CACNA1E: variants seen among roughly 807,000 people sequenced by gnomAD.
CACNA1E encodes the protein voltage-dependent R-type calcium channel subunit alpha-1E.
In CACNA1E, 40 loss-of-function variants were observed where a neutral mutation model predicts 259.2. The observed-to-expected ratio is 0.15, with a 90% CI of 0.12 to 0.20. CACNA1E has a LOEUF of 0.20. Among genes scored for constraint, CACNA1E ranks in the 10% least tolerant of loss-of-function variants. The pLI is 1.00. For synonymous variants in CACNA1E, 1,104 were observed against 1,138.5 expected (o/e 0.97, Z 0.61); for missense variants, 1,874 against 3,040.1 (o/e 0.62, Z 9.02).
chr1:181,636,661 T>C (rs1657243679), intron 6 of CACNA1E, among the ~76,000 whole-genome samples: 1 of 152,140 alleles, frequency 6.6e-6, no homozygotes, highest in Non-Finnish European at 1.5e-5. Flanking sequence ...CAATGGAATA[T>C]AAGAAAGGCC....
intron 3 of CACNA1E, among the ~76,000 whole-genome samples, chr1:181,528,918 A>G (rs1667564898): frequency 6.6e-6 from 1 of 152,224 alleles, no homozygotes; most frequent in African/African-American, 2.4e-5. Flanking sequence ...AGAAAAACCC[A>G]TTTTTTGAGG....
chr1:181,568,686 C>T (rs1038637523), intron 3 of CACNA1E, among the ~76,000 whole-genome samples: 1 of 152,108 alleles, frequency 6.6e-6, no homozygotes, highest in African/African-American at 2.4e-5. Flanking sequence ...GCCTCTATCT[C>T]CTGGGGTTGT....
chr1:181,506,812 G>A (rs996018845), intron 1 of CACNA1E, among the ~76,000 whole-genome samples: 1 of 152,160 alleles, frequency 6.6e-6, no homozygotes, highest in Non-Finnish European at 1.5e-5. Flanking sequence ...GGGCTGTAAG[G>A]GAGAGTGGCT....
intron 3 of CACNA1E, among the ~76,000 whole-genome samples, chr1:181,563,077 T>C (rs1649479924): frequency 6.6e-6 from 1 of 152,224 alleles, no homozygotes; most frequent in Non-Finnish European, 1.5e-5. Flanking sequence ...TTTTGTTTTC[T>C]CTGACAAATA....
chr1:181,711,129 C>T (rs1422443574), intron 8 of CACNA1E, 60 bp downstream of exon 8: 6 of 1,136,886 alleles, frequency 5.3e-6, no homozygotes, highest in African/African-American at 1.5e-5. Context: ...AGGGCCGGCC[C>T]CTCACTCCCA....
chr1:181,728,849 C>G (rs1196329334), intron 18 of CACNA1E, among the ~76,000 whole-genome samples: 3 of 147,786 alleles, frequency 2.0e-5, no homozygotes, highest in Non-Finnish European at 4.5e-5. Context: ...TGTGTGTACA[C>G]TGCTCAGGTG....
chr1:181,503,708 A>T (rs568104082), intron 1 of CACNA1E, among the ~76,000 whole-genome samples: 1 of 152,322 alleles, frequency 6.6e-6, no homozygotes, highest in Non-Finnish European at 1.5e-5. Context: ...AACACTTTAC[A>T]GTTTTCAGAG....
intron 1 of CACNA1E, among the ~76,000 whole-genome samples, chr1:181,319,729 A>T (rs1289936052): frequency 6.6e-6 from 1 of 152,218 alleles, no homozygotes; most frequent in African/African-American, 2.4e-5. Flanking sequence ...AGATAGAGAT[A>T]AATGATTGCC....
chr1:181,474,313 G>A (rs16857376), intron 2 of CACNA1E, among the ~76,000 whole-genome samples: 14,274 of 152,238 alleles, frequency 0.094, 832 homozygotes, highest in South Asian at 0.19. Flanking sequence ...TGTGTCCAAG[G>A]AGTTGGCTTG....
Position 181,683,960 on chromosome 1 carries a change from C to T in CACNA1E, c.1056-26994C>T, listed in dbSNP as rs187604273. 2.0e-5 allele frequency among the ~76,000 whole-genome samples: 3 copies of T among 152,072 alleles called. No individual in the cohort carries two copies. The East Asian group carries it at 5.8e-4, about 29-fold the overall frequency. On this transcript the variant is annotated intron_variant, in intron 7 of 47. Transcript: ENST00000367573. The stretch of plus-strand genomic sequence containing the variant: ...TTCCTTTGGGTATATATACAGATTG[C>T]TCCTTCAGGCCAGGTTCTAGGGGAA...
chr1:181,667,689 A>G (rs997321121), intron 7 of CACNA1E, among the ~76,000 whole-genome samples: 2 of 152,194 alleles, frequency 1.3e-5, no homozygotes, highest in Non-Finnish European at 2.9e-5. Context: ...TTTCAAAAAG[A>G]CATACCAGAA....
At chr1:181,588,113 G>A (rs1325406396) in intron 6 of CACNA1E, among the ~76,000 whole-genome samples, 2 of 152,178 alleles carry the variant, frequency 1.3e-5, no homozygotes, top group Non-Finnish European at 2.9e-5. Flanking sequence ...GGGCGCCGGC[G>A]CACCGCTGGG....
rs693178 is a variant in CACNA1E at position 181,504,190 on chromosome 1, C to T, written c.267-6287C>T. Among the ~76,000 whole-genome samples the T allele has an allele frequency of 7.5e-3, 1,139 of 152,242 alleles. 13 individuals are homozygous for T. The highest frequency in any genetic ancestry group is 0.026 in the African/African-American group (1,060 of 41,526). On this transcript the variant is annotated intron_variant, in intron 1 of 47. Coordinates refer to ENST00000367573, the MANE Select transcript of CACNA1E (RefSeq NM_001205293.3). ...ATGAGACTGAAGGGAGAAAAGGAGA[C>T]AGGTCTTCCTGTAGGGTCTGGGGTG...
chr1:181,758,921 C>T lies in CACNA1E; in HGVS notation c.4605+53C>T, dbSNP rs1166276421. On this transcript the variant is annotated intron_variant, in intron 32 of 47. Transcript: ENST00000367573. The surrounding 1 kb of genome is among the most constrained non-coding windows in gnomAD (Gnocchi z 4.2). The stretch of plus-strand genomic sequence containing the variant: ...GGGCTTGTCTCTTTCTGTTGGGTGC[C>T]TTCCCAGTCTTTGTTGAAGGGGAGG... 1.4e-5 allele frequency: 14 copies of T among 986,604 alleles called. 1 individual carries two copies. 61.1% of individuals were successfully genotyped at this position (986,604 alleles called of 1,614,324 possible). A position where few individuals can be genotyped will look rare whatever the true frequency, so the allele number is the denominator to read the frequency against.
At chr1:181,499,938 G>T (rs561270861) in intron 1 of CACNA1E, among the ~76,000 whole-genome samples, 1 of 152,158 alleles carries the variant, frequency 6.6e-6, no homozygotes, top group East Asian at 1.9e-4. Context: ...AGCAGGAGCC[G>T]CCTGGGTGTC....
At chr1:181,490,197 A>C (rs1664190345) in intron 1 of CACNA1E, among the ~76,000 whole-genome samples, 1 of 152,154 alleles carries the variant, frequency 6.6e-6, no homozygotes, top group African/African-American at 2.4e-5. Context: ...TGTTCTTATA[A>C]GGTGAAGATG....
chr1:181,587,019 C>A (rs1558155701), intron 6 of CACNA1E, among the ~76,000 whole-genome samples: 1 of 151,966 alleles, frequency 6.6e-6, no homozygotes, highest in Non-Finnish European at 1.5e-5. Flanking sequence ...GTGGGGAGGT[C>A]TAGACCACAG....
chr1:181,344,465 A>G (rs865938390), intron 1 of CACNA1E, among the ~76,000 whole-genome samples: 1 of 152,214 alleles, frequency 6.6e-6, no homozygotes, highest in South Asian at 2.1e-4. Flanking sequence ...GAGATGGCAG[A>G]TGCTTTCCTG....
intron 2 of CACNA1E, 116 bp from the exon 3 acceptor site, chr1:181,511,255 C>T: frequency 8.0e-7 from 1 of 1,244,516 alleles, no homozygotes; most frequent in East Asian, 2.3e-5. Context: ...TTGCTTCCCA[C>T]CTACACATGG....
Sources: allele counts gnomAD v4.1 joint callset (sites outside exome capture counted in the v4.1 genomes callset), GRCh38; gene constraint gnomAD v4.1.1; non-coding constraint Gnocchi (gnomAD v3.1); transcripts MANE v1.5; gene names NCBI Gene and HGNC (gene_info 2026-07-23, HGNC 2026-07-21).